Variants in PRLR observed in about 807,000 individuals in gnomAD.
PRLR encodes the protein hPRL receptor.
Under a neutral mutation model 40.2 loss-of-function variants are expected in PRLR, and 13 were observed. The ratio of observed to expected loss-of-function variants is 0.32; its 90% confidence interval spans 0.21 to 0.51. The LOEUF (loss-of-function observed/expected upper bound fraction) is 0.51, where lower values mean the gene tolerates loss of function less well. Among genes scored for constraint, PRLR ranks in the 20% least tolerant of loss-of-function variants. The pLI is 0.97. For missense variants in PRLR, 656 were observed against 747.3 expected (o/e 0.88, Z 1.42); for synonymous variants, 269 against 278.7 (o/e 0.97, Z 0.35).
chr5:35,161,266 T>G (rs1478079738), intron 1 of PRLR, among the ~76,000 whole-genome samples: 8 of 152,250 alleles, frequency 5.3e-5, no homozygotes, highest in Non-Finnish European at 1.0e-4. Flanking sequence ...ATTTAACTCT[T>G]GTCGGTCCTT....
chr5:35,138,315 G>T (rs1773918449), intron 1 of PRLR, among the ~76,000 whole-genome samples: 1 of 152,208 alleles, frequency 6.6e-6, no homozygotes, highest in Non-Finnish European at 1.5e-5. Context: ...CTGCTGAACT[G>T]TACACTTAAG....
exon 9 of PRLR, chr5:35,048,925 C>A: frequency 2.8e-6 from 1 of 354,616 alleles, no homozygotes; most frequent in Non-Finnish European, 5.6e-6. Flanking sequence ...GGGTAGATAT[C>A]ATTAATCTTG....
At chr5:35,049,250 T>C in exon 9 of PRLR, 2 of 702,860 alleles carry the variant, frequency 2.8e-6, no homozygotes, top group Non-Finnish European at 5.2e-6. Flanking sequence ...GGGGAGAAAA[T>C]GTTGAGTTCC....
intron 5 of PRLR, among the ~76,000 whole-genome samples, chr5:35,078,500 C>A (rs1198087132): frequency 6.6e-6 from 1 of 151,960 alleles, no homozygotes; most frequent in East Asian, 1.9e-4. Flanking sequence ...CAAGACTAAA[C>A]CAGGAAGAAG....
intron 2 of PRLR, among the ~76,000 whole-genome samples, chr5:35,091,577 T>C (rs1771213231): frequency 6.6e-6 from 1 of 152,074 alleles, no homozygotes; most frequent in African/African-American, 2.4e-5. Flanking sequence ...TTGTGGAAAG[T>C]CTGTGATGGG....
At chr5:35,224,846 G>T (rs1202486193) in intron 1 of PRLR, among the ~76,000 whole-genome samples, 3 of 151,978 alleles carry the variant, frequency 2.0e-5, no homozygotes, top group Admixed American at 6.6e-5. Flanking sequence ...TCTTTTTTTT[G>T]AAATAAATGA....
chr5:35,229,075 C>A (rs1776625077), intron 1 of PRLR, among the ~76,000 whole-genome samples: 1 of 150,584 alleles, frequency 6.6e-6, no homozygotes, highest in South Asian at 2.1e-4. Context: ...CTCTCTTGCA[C>A]TATTCAGCAC....
downstream of PRLR, among the ~76,000 whole-genome samples, chr5:35,054,794 A>C (rs1768637942): frequency 6.6e-6 from 1 of 152,234 alleles, no homozygotes; most frequent in Admixed American, 6.5e-5. Context: ...TTTATGCAAA[A>C]CTCATAAATA....
chr5:35,127,567 T>C (rs1773510830), intron 1 of PRLR, among the ~76,000 whole-genome samples: 1 of 152,200 alleles, frequency 6.6e-6, no homozygotes, highest in African/African-American at 2.4e-5. Context: ...ATTAAAGAGA[T>C]CATGGCACTT....
intron 1 of PRLR, among the ~76,000 whole-genome samples, chr5:35,190,060 G>A (rs1775559503): frequency 6.6e-6 from 1 of 152,174 alleles, no homozygotes; most frequent in Non-Finnish European, 1.5e-5. Context: ...GGACTTGGAG[G>A]TAAGGGAGTC....
At chr5:35,104,914 C>G (rs1308136453) in intron 2 of PRLR, among the ~76,000 whole-genome samples, 1 of 152,238 alleles carries the variant, frequency 6.6e-6, no homozygotes, top group African/African-American at 2.4e-5. Context: ...AACAGACAGA[C>G]TGCCTCCTCA....
chr5:35,072,586 C>T lies in PRLR; in HGVS notation c.532G>A (p.Ala178Thr), dbSNP rs773324489. ...YEIRLKPEKA[A>T]EWEIHFAGQQ... ...TATGGATCACTCACCTCCCACTCAGCTGCTTTCTCGGGTTTTAATCGAATT... is the reference window on the plus strand; with the variant it reads ...TATGGATCACTCACCTCCCACTCAGTTGCTTTCTCGGGTTTTAATCGAATT... Residue 178 changes from alanine (A) to threonine (T), a missense_variant, in exon 6 of 10, where the codon GCT (alanine) becomes ACT (threonine). Ala to Thr is a moderately conservative substitution (Grantham distance 58). Coordinates refer to ENST00000618457, the MANE Select transcript of PRLR (RefSeq NM_000949.7). 6 of 1,613,804 alleles carry T rather than the reference C, an allele frequency of 3.7e-6. No individual in the cohort carries two copies. The highest frequency in any genetic ancestry group is 4.5e-5 in the East Asian group (2 of 44,894).
At chr5:35,096,932 A>T (rs1174773073) in intron 2 of PRLR, among the ~76,000 whole-genome samples, 1 of 151,888 alleles carries the variant, frequency 6.6e-6, no homozygotes, top group East Asian at 1.9e-4. Context: ...AAAATTTTTC[A>T]TTTCTTTGTT....
At chr5:35,197,520 G>A (rs1438485260) in intron 1 of PRLR, among the ~76,000 whole-genome samples, 1 of 152,140 alleles carries the variant, frequency 6.6e-6, no homozygotes, top group Non-Finnish European at 1.5e-5. Context: ...ATTCTTGCTG[G>A]ATTTGCACAG....
chr5:35,106,697 C>T (rs1180375629), intron 2 of PRLR, among the ~76,000 whole-genome samples: 1 of 152,116 alleles, frequency 6.6e-6, no homozygotes, highest in Non-Finnish European at 1.5e-5. Flanking sequence ...ATACATGCAC[C>T]CAATACAGGA....
At chr5:35,223,580 C>T (rs1776475304) in intron 1 of PRLR, among the ~76,000 whole-genome samples, 1 of 152,210 alleles carries the variant, frequency 6.6e-6, no homozygotes, top group South Asian at 2.1e-4. Context: ...TGGCTCTCTC[C>T]TTCTCTCCTT....
rs1769332506 is a variant in PRLR, at chr5:35,065,823, C to A, written c.1135G>T (p.Val379Phe). Residue 379 changes from valine (V) to phenylalanine (F), a missense_variant, in exon 10 of 10, where the codon GTC becomes TTC. Val to Phe is a conservative substitution (Grantham distance 50). Transcript: ENST00000618457. Reference sequence around the variant, plus strand: ...TCAGGATTCTCTGGCTTCTCAATGACCTCAGGATCATAGAATGTGGAGGGA... The same window carrying A: ...TCAGGATTCTCTGGCTTCTCAATGAACTCAGGATCATAGAATGTGGAGGGA... ...ANPSTFYDPE[V>F]IEKPENPETT... The A allele has an allele frequency of 6.2e-7, 1 of 1,614,112 alleles. No homozygotes were observed. Among genetic ancestry groups the A allele is most frequent in the East Asian group, 2.2e-5 (1 of 44,864 alleles).
At chr5:35,055,525 T>C (rs1323268221), downstream of PRLR, among the ~76,000 whole-genome samples, 3 of 151,996 alleles carry the variant, frequency 2.0e-5, no homozygotes, top group Non-Finnish European at 4.4e-5. Flanking sequence ...CTAAGATAAA[T>C]GTTTTCGCAT....
downstream of PRLR, among the ~76,000 whole-genome samples, chr5:35,051,861 G>T (rs183952467): frequency 1.4e-3 from 206 of 152,124 alleles, 1 homozygote; most frequent in Non-Finnish European, 5.6e-4. Context: ...GGAATGAAAA[G>T]AAACTTACCA....
Sources: gnomAD v4.1 joint callset for allele counts (sites outside exome capture counted in the v4.1 genomes callset) on GRCh38, gnomAD v4.1.1 for gene constraint, MANE v1.5 for transcripts, NCBI Gene and HGNC (gene_info 2026-07-23, HGNC 2026-07-21) for gene names.